Variants in SLMAP observed in about 807,000 individuals in gnomAD.
SLMAP encodes the protein sarcolemmal membrane-associated protein.
In SLMAP, 44 loss-of-function variants were observed where a neutral mutation model predicts 128.8. The ratio of observed to expected loss-of-function variants is 0.34; its 90% CI spans 0.27 to 0.44. The LOEUF is 0.44. Ranked by LOEUF, SLMAP falls within the 20% of genes least tolerant of loss-of-function variation. The pLI is 1.00. For missense variants in SLMAP, 787 were observed against 985.3 expected, an observed-to-expected ratio of 0.80 and a Z score of 2.69; for synonymous variants, 327 against 348.8, an observed-to-expected ratio of 0.94 and a Z score of 0.70.
At chr3:57,828,082 C>T (rs1402992209) in intron 2 of SLMAP, among the ~76,000 whole-genome samples, 2 of 152,158 alleles carry the variant, frequency 1.3e-5, no homozygotes, top group Admixed American at 6.5e-5. Flanking sequence ...TCACTGCCGC[C>T]GAGTAGCTGG....
intron 14 of SLMAP, among the ~76,000 whole-genome samples, chr3:57,885,206 G>GGGAT (rs1450783414): frequency 1.3e-5 from 2 of 151,326 alleles, no homozygotes; most frequent in Non-Finnish European, 2.9e-5. Context: ...CTGAGTAGCT[G>GGGAT]GGATTATAGG....
At chr3:57,850,930 C>T (rs967742833) in intron 6 of SLMAP, among the ~76,000 whole-genome samples, 26 of 152,122 alleles carry the variant, frequency 1.7e-4, no homozygotes, top group African/African-American at 5.8e-4. Context: ...CCATGGCGCC[C>T]GGCCCATAGA....
chr3:57,785,944 C>G (rs372850285), intron 2 of SLMAP, among the ~76,000 whole-genome samples: 1 of 152,244 alleles, frequency 6.6e-6, no homozygotes, highest in South Asian at 2.1e-4. Context: ...ATTTATCAGT[C>G]TTCTACTACT....
chr3:57,762,325 C>A (rs1238701266), intron 2 of SLMAP, among the ~76,000 whole-genome samples: 3 of 151,046 alleles, frequency 2.0e-5, no homozygotes, highest in African/African-American at 7.3e-5. Context: ...GCTGAGATCG[C>A]GCCACTGCAC....
intron 5 of SLMAP, 41 bp downstream of exon 5, chr3:57,847,274 A>G (rs765287241): frequency 5.4e-6 from 8 of 1,493,984 alleles, no homozygotes; most frequent in Non-Finnish European, 7.4e-6. Context: ...TGACTCAGCT[A>G]TGTTGCTTTG....
chr3:57,892,732 C>T (rs947738103), intron 15 of SLMAP, among the ~76,000 whole-genome samples: 1 of 151,684 alleles, frequency 6.6e-6, no homozygotes, highest in Non-Finnish European at 1.5e-5. Flanking sequence ...ATCGCTTGAG[C>T]CCAGGAGTTC....
intron 2 of SLMAP, among the ~76,000 whole-genome samples, chr3:57,803,566 A>G (rs924405794): frequency 6.6e-6 from 1 of 152,204 alleles, no homozygotes; most frequent in Admixed American, 6.5e-5. Flanking sequence ...TGTAATTTAA[A>G]TGTTTTAGTA....
At chr3:57,884,343 A>C (rs1437683456) in intron 14 of SLMAP, among the ~76,000 whole-genome samples, 1 of 152,122 alleles carries the variant, frequency 6.6e-6, no homozygotes, top group South Asian at 2.1e-4. Flanking sequence ...GGGGTATTTC[A>C]GATATGTCTG....
intron 6 of SLMAP, among the ~76,000 whole-genome samples, chr3:57,854,688 G>A (rs1360643314): frequency 3.9e-5 from 6 of 152,144 alleles, no homozygotes; most frequent in African/African-American, 1.4e-4. Flanking sequence ...TCATACTTGT[G>A]CAATTAAGCC....
At chr3:57,809,393 C>T (rs1300076485) in intron 2 of SLMAP, among the ~76,000 whole-genome samples, 2 of 152,212 alleles carry the variant, frequency 1.3e-5, no homozygotes, top group African/African-American at 2.4e-5. Context: ...TGCACACGCT[C>T]AGGGCAGTGC....
intron 4 of SLMAP, among the ~76,000 whole-genome samples, chr3:57,843,797 TGAGA>T (rs2094103455): frequency 1.4e-5 from 2 of 142,706 alleles, no homozygotes; most frequent in African/African-American, 5.2e-5. Flanking sequence ...TTTTTTTTTT[TGAGA>T]CAGAATCTCA....
At chr3:57,861,084 C>T (rs1436129574) in intron 9 of SLMAP, among the ~76,000 whole-genome samples, 1 of 152,162 alleles carries the variant, frequency 6.6e-6, no homozygotes, top group Non-Finnish European at 1.5e-5. Flanking sequence ...TGTTTGCATT[C>T]TGCTTAGGAT....
At position 57,757,699 on chromosome 3, in the gene SLMAP, G is replaced by A. The variant is rs765801850; in HGVS notation, c.48G>A (p.Pro16=). 17 of 1,614,126 alleles carry A rather than the reference G, an allele frequency of 1.1e-5. No individual in the cohort carries two copies. The South Asian group carries it at 1.6e-4, about 16-fold the overall frequency. ...AIFTCRPNSH[P]FQERHVYLDE... ...TCACTTGCCGCCCGAACTCGCACCCGTTTCAGGAGCGTCATGTCTACCTGG... is the reference window on the plus strand; with the variant it reads ...TCACTTGCCGCCCGAACTCGCACCCATTTCAGGAGCGTCATGTCTACCTGG... Residue 16 remains proline, a synonymous_variant, in exon 2 of 25, where the codon CCG becomes CCA. Transcript: ENST00000671191.
At chr3:57,786,452 A>G (rs951813623) in intron 2 of SLMAP, among the ~76,000 whole-genome samples, 3 of 152,334 alleles carry the variant, frequency 2.0e-5, no homozygotes, top group African/African-American at 7.2e-5. Context: ...GGGAAGTATA[A>G]TTAATACTCA....
chr3:57,852,330 A>G (rs2094537898), intron 6 of SLMAP, among the ~76,000 whole-genome samples: 1 of 152,236 alleles, frequency 6.6e-6, no homozygotes, highest in Non-Finnish European at 1.5e-5. Context: ...ATCTTCCACC[A>G]GGCATAATGT....
At chr3:57,831,148 T>A (rs553711662) in intron 2 of SLMAP, among the ~76,000 whole-genome samples, 1 of 152,106 alleles carries the variant, frequency 6.6e-6, no homozygotes, top group Admixed American at 6.5e-5. Flanking sequence ...CCTGACAAAC[T>A]CTTTTTCCAA....
intron 2 of SLMAP, among the ~76,000 whole-genome samples, chr3:57,775,887 T>TG (rs1359831186): frequency 6.6e-6 from 1 of 152,098 alleles, no homozygotes; most frequent in Non-Finnish European, 1.5e-5. Flanking sequence ...TTAGTAGAGA[T>TG]GGCGTTTTAC....
intron 6 of SLMAP, among the ~76,000 whole-genome samples, chr3:57,856,390 ATTCTT>A (rs1208203685): frequency 1.3e-5 from 2 of 152,178 alleles, no homozygotes; most frequent in Admixed American, 6.5e-5. Flanking sequence ...TATTGTTTCT[ATTCTT>A]AATTTATAAG....
intron 2 of SLMAP, among the ~76,000 whole-genome samples, chr3:57,764,267 C>T (rs141998991): frequency 3.5e-4 from 53 of 152,002 alleles, no homozygotes; most frequent in African/African-American, 1.2e-3. Flanking sequence ...TTTGGGAGGC[C>T]GAGATGGGTG....
Sources: gnomAD v4.1 joint callset for allele counts (sites outside exome capture counted in the v4.1 genomes callset) on GRCh38, gnomAD v4.1.1 for gene constraint, MANE v1.5 for transcripts, NCBI Gene and HGNC (gene_info 2026-07-23, HGNC 2026-07-21) for gene names.